MYO1E: variants seen among roughly 807,000 people sequenced by gnomAD.
The protein encoded by MYO1E is myosin IE.
Under a neutral mutation model 151.1 loss-of-function variants are expected in MYO1E, and 68 were observed. The observed-to-expected ratio is 0.45, with a 90% CI of 0.37 to 0.55. The LOEUF (loss-of-function observed/expected upper bound fraction) is 0.55. Ranked by LOEUF, MYO1E falls within the 20% of genes least tolerant of loss-of-function variation. The pLI is 0.00. For synonymous variants in MYO1E, 601 were observed against 501.7 expected, an observed-to-expected ratio of 1.20 and a Z score of -2.64; for missense variants, 1,363 against 1,389.3, an observed-to-expected ratio of 0.98 and a Z score of 0.30.
chr15:59,349,543 T>C (rs775016770), intron 1 of MYO1E, among the ~76,000 whole-genome samples: 55 of 152,202 alleles, frequency 3.6e-4, no homozygotes, highest in Non-Finnish European at 6.8e-4. Context: ...TGAGAAATCA[T>C]CCTCATCCTT....
intron 1 of MYO1E, among the ~76,000 whole-genome samples, chr15:59,275,942 C>T (rs1187147763): frequency 1.3e-5 from 2 of 152,164 alleles, no homozygotes; most frequent in Admixed American, 1.3e-4. Flanking sequence ...ACAGCCTCTG[C>T]ACACAGCCGC....
At position 59,132,995 on chromosome 15, in the gene MYO1E, T is replaced by C. The variant is rs1425451249; in HGVS notation, c.*4385A>G. On this transcript the variant is annotated 3_prime_UTR_variant, in exon 28 of 28. Coordinates refer to ENST00000288235, the MANE Select transcript of MYO1E (RefSeq NM_004998.4). ...TCTCTCTCTCTTTTTAAATAGACTT[T>C]TATGTTCTGAGAGGAAGATATTGGA... 3 of 152,212 alleles carry C rather than the reference T, an allele frequency of 2.0e-5. No individual in the cohort carries two copies. The highest frequency in any genetic ancestry group is 2.0e-4 in the Admixed American group (3 of 15,276). 9.4% of individuals were successfully genotyped at this position (152,212 alleles called of 1,614,324 possible).
At chr15:59,257,747 A>T (rs1306659652) in intron 3 of MYO1E, among the ~76,000 whole-genome samples, 1 of 151,986 alleles carries the variant, frequency 6.6e-6, no homozygotes, top group African/African-American at 2.4e-5. Context: ...TGAGGGCTGC[A>T]AGCTATGCCT....
intron 20 of MYO1E, 78 bp downstream of exon 20, chr15:59,174,048 T>C: frequency 1.3e-6 from 2 of 1,503,956 alleles, no homozygotes; most frequent in South Asian, 2.3e-5. Context: ...CAAAATAAAA[T>C]GGAACTTAAA....
chr15:59,137,073 T>A lies in MYO1E; in HGVS notation c.*307A>T. On this transcript the variant is annotated 3_prime_UTR_variant, in exon 28 of 28. Coordinates refer to ENST00000288235, the MANE Select transcript of MYO1E (RefSeq NM_004998.4). ...GCAGGGTGCTGTTTTGATAGAAGCC[T>A]ACAAGGTCTGAGCAGACCTCACTTG... is the stretch of plus-strand genomic sequence containing the variant. The A allele has an allele frequency of 2.3e-6, 1 of 428,580 alleles. No homozygotes were observed. Among genetic ancestry groups the A allele is most frequent in the Admixed American group, 3.5e-5 (1 of 28,768 alleles). The allele number at this position is 428,580 out of a possible 1,614,324, so 26.5% of individuals were successfully genotyped here.
At chr15:59,359,220 G>C (rs946333322) in intron 1 of MYO1E, among the ~76,000 whole-genome samples, 1 of 150,996 alleles carries the variant, frequency 6.6e-6, no homozygotes, top group Non-Finnish European at 1.5e-5. Flanking sequence ...GAGACCAGGA[G>C]TTCTAGACTA....
At chr15:59,280,912 G>A (rs1237951786) in intron 1 of MYO1E, among the ~76,000 whole-genome samples, 5 of 152,062 alleles carry the variant, frequency 3.3e-5, no homozygotes, top group Admixed American at 2.0e-4. Flanking sequence ...TGGCTTTACT[G>A]GTGAGGCTGA....
chr15:59,231,662 T>A (rs760001527), intron 6 of MYO1E, 40 bp downstream of exon 6: 44 of 1,593,538 alleles, frequency 2.8e-5, no homozygotes, highest in Non-Finnish European at 3.6e-5. Flanking sequence ...ATCAACATCA[T>A]CAATCAAGCG....
At chr15:59,253,901 C>CTTTTT (rs34819314) in intron 4 of MYO1E, among the ~76,000 whole-genome samples, 6 of 135,822 alleles carry the variant, frequency 4.4e-5, no homozygotes, top group African/African-American at 8.1e-5. Flanking sequence ...GACAAACAAC[C>CTTTTT]TTTTTTTTTT....
intron 1 of MYO1E, among the ~76,000 whole-genome samples, chr15:59,317,076 T>C (rs1396363150): frequency 6.6e-6 from 1 of 152,242 alleles, no homozygotes; most frequent in South Asian, 2.1e-4. Context: ...TGTTTGTATA[T>C]GCCAAAAGGG....
intron 4 of MYO1E, among the ~76,000 whole-genome samples, chr15:59,249,240 G>A (rs981592595): frequency 1.3e-5 from 2 of 152,074 alleles, no homozygotes; most frequent in African/African-American, 2.4e-5. Context: ...TGGCCAACAT[G>A]GTGAAACCCA....
intron 26 of MYO1E, among the ~76,000 whole-genome samples, chr15:59,140,733 C>T (rs577274156): frequency 1.3e-5 from 2 of 152,314 alleles, no homozygotes; most frequent in South Asian, 4.1e-4. Context: ...ACCTGGATCA[C>T]AAAGGGGTGG....
chr15:59,338,526 C>A (rs2140427463), intron 1 of MYO1E, among the ~76,000 whole-genome samples: 1 of 152,250 alleles, frequency 6.6e-6, no homozygotes, highest in Non-Finnish European at 1.5e-5. Flanking sequence ...ATAAAACACT[C>A]AGCCAACCCT....
chr15:59,350,098 A>G lies in MYO1E; in HGVS notation c.3+22400T>C, dbSNP rs2080815774. Reference sequence around the variant, plus strand: ...TAATTTTCTTATTAATTGTCAATACATCACCACTTGAATGAAAAGAGAATG... The same window carrying G: ...TAATTTTCTTATTAATTGTCAATACGTCACCACTTGAATGAAAAGAGAATG... On this transcript the variant is annotated intron_variant, in intron 1 of 27. Coordinates refer to ENST00000288235, the MANE Select transcript of MYO1E (RefSeq NM_004998.4). This position sits in a 1 kb window ranked among gnomAD's most constrained non-coding sequence, Gnocchi z 5.0. 6.6e-6 allele frequency among the ~76,000 whole-genome samples: 1 copy of G among 152,260 alleles called. No homozygotes were observed. The highest frequency in any genetic ancestry group is 1.5e-5 in the Non-Finnish European group (1 of 68,050).
intron 1 of MYO1E, among the ~76,000 whole-genome samples, chr15:59,278,156 C>T (rs181560458): frequency 3.0e-3 from 463 of 152,300 alleles, no homozygotes; most frequent in African/African-American, 0.01. Flanking sequence ...GATTGGAAGA[C>T]GCTGTGTGGA....
intron 26 of MYO1E, among the ~76,000 whole-genome samples, chr15:59,147,876 C>T (rs1201434911): frequency 6.6e-6 from 1 of 152,094 alleles, no homozygotes; most frequent in African/African-American, 2.4e-5. Flanking sequence ...CCCCGCATTA[C>T]AGCCAACAAT....
chr15:59,273,855 C>G (rs560212018), intron 1 of MYO1E, among the ~76,000 whole-genome samples: 9 of 152,210 alleles, frequency 5.9e-5, no homozygotes, highest in Non-Finnish European at 7.4e-5. Flanking sequence ...GAGACTCGCC[C>G]CTGCCCCCTC....
chr15:59,206,070 C>T (rs572045992), intron 14 of MYO1E, among the ~76,000 whole-genome samples: 1 of 152,092 alleles, frequency 6.6e-6, no homozygotes, highest in African/African-American at 2.4e-5. Context: ...TCCCCAAGAC[C>T]ACGACCTCAA....
intron 8 of MYO1E, 35 bp downstream of exon 8, chr15:59,224,654 G>A: frequency 6.2e-7 from 1 of 1,613,886 alleles, no homozygotes; most frequent in Non-Finnish European, 8.5e-7. Context: ...CCAGTTGGGA[G>A]AGCAGATCCT....
Sources: allele counts gnomAD v4.1 joint callset (sites outside exome capture counted in the v4.1 genomes callset), GRCh38; gene constraint gnomAD v4.1.1; non-coding constraint Gnocchi (gnomAD v3.1); transcripts MANE v1.5; gene names NCBI Gene and HGNC (gene_info 2026-07-23, HGNC 2026-07-21).